ZDHHC17: variants seen among roughly 807,000 people sequenced by gnomAD.
The protein encoded by ZDHHC17 is zDHHC palmitoyltransferase 17, also known as palmitoyltransferase ZDHHC17.
A neutral mutation model predicts 90.3 loss-of-function variants in ZDHHC17; 40 were observed. That is an observed-to-expected ratio of 0.44 (90% CI 0.34 to 0.58). The LOEUF (loss-of-function observed/expected upper bound fraction) is 0.58. Ranked by LOEUF, ZDHHC17 falls within the 20% of genes least tolerant of loss-of-function variation. ZDHHC17 has a pLI of 0.01. For missense variants in ZDHHC17, 614 were observed against 780.8 expected, an observed-to-expected ratio of 0.79 and a Z score of 2.55; for synonymous variants, 235 against 252.4, an observed-to-expected ratio of 0.93 and a Z score of 0.65.
rs577494713 is a variant in ZDHHC17 at position 76,795,352 on chromosome 12, C to T, written c.94-2082C>T. On this transcript the variant is annotated intron_variant, in intron 1 of 16. Transcript: ENST00000426126. ...ACAACCTCTTTAACGTTGCACATGT[C>T]TTACCCTATCCTGGGTGGGGTCCAA... Among the ~76,000 whole-genome samples the T allele has an allele frequency of 5.3e-5, 8 of 152,186 alleles. No individual in the cohort carries two copies. In the South Asian group the frequency reaches 1.5e-3, roughly 28 times the overall value.
intron 12 of ZDHHC17, among the ~76,000 whole-genome samples, chr12:76,843,558 G>A (rs531438941): frequency 1.3e-5 from 2 of 152,054 alleles, no homozygotes; most frequent in African/African-American, 4.8e-5. Context: ...TTTATTAATA[G>A]AGTCAGGTAT....
Position 76,767,164 on chromosome 12 carries a change from A to G in ZDHHC17, c.93+2835A>G, listed in dbSNP as rs183104861. The stretch of plus-strand genomic sequence containing the variant: ...TAATGTTACTTCTTTTTTCTCTACC[A>G]GAAGAAAGGGAAGTGTTACACATTT... On this transcript the variant is annotated intron_variant, in intron 1 of 16. Transcript: ENST00000426126. Among the ~76,000 whole-genome samples the G allele has an allele frequency of 3.3e-4, 50 of 152,310 alleles. No individual in the cohort carries two copies. In the East Asian group the frequency reaches 4.4e-3, roughly 13 times the overall value.
At chr12:76,830,634 T>G (rs1953288723) in intron 10 of ZDHHC17, among the ~76,000 whole-genome samples, 2 of 152,188 alleles carry the variant, frequency 1.3e-5, no homozygotes, top group South Asian at 4.1e-4. Context: ...TATTTTAAGC[T>G]TACAATAAGC....
At chr12:76,833,849 G>GT (rs1314451277) in intron 10 of ZDHHC17, among the ~76,000 whole-genome samples, 1 of 152,022 alleles carries the variant, frequency 6.6e-6, no homozygotes, top group African/African-American at 2.4e-5. Context: ...GTGTCAGTAG[G>GT]TAATCAGATG....
At chr12:76,784,620 A>C (rs1396906868) in intron 1 of ZDHHC17, among the ~76,000 whole-genome samples, 3 of 152,092 alleles carry the variant, frequency 2.0e-5, no homozygotes, top group Non-Finnish European at 4.4e-5. Flanking sequence ...TAGACATCTC[A>C]ATTGGTTCAG....
intron 5 of ZDHHC17, among the ~76,000 whole-genome samples, chr12:76,812,312 A>G (rs1422303386): frequency 6.6e-6 from 1 of 151,444 alleles, no homozygotes; most frequent in East Asian, 1.9e-4. Context: ...CTTTAACTGC[A>G]CTAGTTTTTT....
chr12:76,845,434 A>T (rs1953483429), intron 12 of ZDHHC17: 1 of 185,542 alleles, frequency 5.4e-6, no homozygotes, highest in Admixed American at 6.1e-5. Flanking sequence ...CATCAAATCA[A>T]ATTGGTAATT....
chr12:76,850,879 T>C lies in ZDHHC17; in HGVS notation c.1793T>C (p.Phe598Ser), dbSNP rs753325384. 2 of 1,614,026 alleles carry C rather than the reference T, an allele frequency of 1.2e-6. No homozygotes were observed. The highest frequency in any genetic ancestry group is 1.7e-5 in the Admixed American group (1 of 60,018). The change falls in exon 17 of 17, where the codon TTT becomes TCT. Residue 598 changes from phenylalanine to serine, a missense_variant. Phe to Ser is a radical substitution (Grantham distance 155). This residue lies in a region of ZDHHC17 where 111 missense variants were observed against 179.8 expected (regional missense o/e 0.62). Transcript: ENST00000426126. ...TGTGTAAGAAATATTATAGACTTCT[T>C]TGAATTTCGATGCTGTGGCCTCTTT... ...HGCVRNIIDF[F>S]EFRCCGLFRP...
At position 76,852,788 on chromosome 12, in the gene ZDHHC17, GGAAGA is replaced by G. The variant is rs1953581257; in HGVS notation, c.*1806_*1810del. On this transcript the variant is annotated 3_prime_UTR_variant, in exon 17 of 17. Transcript: ENST00000426126. Reference sequence around the variant, plus strand: ...GCATATGTACTTTATTTTTGAAAAGGGAAGAGATGGGTGTGGGGTGGCAATAGCAT... The same window carrying G: ...GCATATGTACTTTATTTTTGAAAAGGGATGGGTGTGGGGTGGCAATAGCAT... The G allele has an allele frequency of 6.6e-6, 1 of 152,566 alleles. No homozygotes were observed. Among genetic ancestry groups the G allele is most frequent in the East Asian group, 1.9e-4 (1 of 5,192 alleles). 9.5% of individuals were successfully genotyped at this position (152,566 alleles called of 1,614,324 possible). A position where few individuals can be genotyped will look rare whatever the true frequency, so the allele number is the denominator to read the frequency against.
At position 76,805,539 on chromosome 12, in the gene ZDHHC17, A is replaced by T. The variant is rs762005608; in HGVS notation, c.320+100A>T. The T allele has an allele frequency of 4.6e-5, 50 of 1,091,666 alleles. 1 individual carries two copies. In the South Asian group the frequency reaches 7.5e-4, roughly 16 times the overall value. 67.6% of individuals were successfully genotyped at this position (1,091,666 alleles called of 1,614,324 possible). On this transcript the variant is annotated intron_variant, in intron 3 of 16. Coordinates refer to ENST00000426126, the MANE Select transcript of ZDHHC17 (RefSeq NM_015336.4). ...TAAAAACTAATACTTTCTAAAATTC[A>T]TGGCTTTTAGAAGATAGATTCTGTG...
chr12:76,772,994 C>G (rs1363554776), intron 1 of ZDHHC17, among the ~76,000 whole-genome samples: 2 of 149,600 alleles, frequency 1.3e-5, no homozygotes, highest in Non-Finnish European at 3.0e-5. Flanking sequence ...CCGAGTACCT[C>G]TACAAGCACG....
intron 1 of ZDHHC17, chr12:76,769,014 T>A: frequency 2.8e-6 from 1 of 355,596 alleles, no homozygotes; most frequent in South Asian, 2.1e-5. Flanking sequence ...TGCTATTATC[T>A]ACTGTCCTCA....
At chr12:76,800,309 A>G (rs1437145547) in intron 2 of ZDHHC17, among the ~76,000 whole-genome samples, 1 of 152,212 alleles carries the variant, frequency 6.6e-6, no homozygotes, top group Non-Finnish European at 1.5e-5. Flanking sequence ...GAGGCACAGT[A>G]CTACATTTTG....
At chr12:76,833,426 C>T (rs1953328005) in intron 10 of ZDHHC17, among the ~76,000 whole-genome samples, 1 of 152,132 alleles carries the variant, frequency 6.6e-6, no homozygotes. Context: ...TTATATTATA[C>T]TCTGAATATA....
At chr12:76,764,383 C>T (rs536712491) in intron 1 of ZDHHC17, 54 bp downstream of exon 1, 36 of 1,504,162 alleles carry the variant, frequency 2.4e-5, no homozygotes, top group Non-Finnish European at 3.1e-5. Context: ...AGCCTTTCTT[C>T]CCCGGACTCG....
intron 3 of ZDHHC17, among the ~76,000 whole-genome samples, chr12:76,808,590 G>A (rs528851954): frequency 5.3e-5 from 8 of 152,210 alleles, no homozygotes; most frequent in South Asian, 4.2e-4. Flanking sequence ...AAATAACAAG[G>A]CATAGTAAAG....
chr12:76,806,112 T>G (rs1355646641), intron 3 of ZDHHC17, among the ~76,000 whole-genome samples: 1 of 152,302 alleles, frequency 6.6e-6, no homozygotes, highest in East Asian at 1.9e-4. Flanking sequence ...AATTTTGTTG[T>G]TGAGATGGGT....
In ZDHHC17 at chr12:76,814,222, A is replaced by G. The variant is rs998101782; in HGVS notation, c.544-924A>G. The stretch of plus-strand genomic sequence containing the variant: ...GCAAGGAGAATTAGATAACTAGGAA[A>G]GAGTTTCGGTTTAATAGGTGGAAGT... On this transcript the variant is annotated intron_variant, in intron 5 of 16. Coordinates refer to ENST00000426126, the MANE Select transcript of ZDHHC17 (RefSeq NM_015336.4). 2.0e-5 allele frequency among the ~76,000 whole-genome samples: 3 copies of G among 151,966 alleles called. No individual in the cohort carries two copies. The East Asian group carries it at 5.8e-4, about 29-fold the overall frequency.
At chr12:76,822,925 T>C (rs1953183723) in intron 8 of ZDHHC17, among the ~76,000 whole-genome samples, 1 of 152,066 alleles carries the variant, frequency 6.6e-6, no homozygotes, top group Non-Finnish European at 1.5e-5. Flanking sequence ...TTAGCACGAG[T>C]ATTTACAGCC....
Sources: allele counts gnomAD v4.1 joint callset (sites outside exome capture counted in the v4.1 genomes callset), GRCh38; gene constraint gnomAD v4.1.1; regional missense constraint gnomAD v4.1.1; transcripts MANE v1.5; gene names NCBI Gene and HGNC (gene_info 2026-07-23, HGNC 2026-07-21).